Variants in PREPL observed in about 807,000 individuals in gnomAD.
PREPL encodes the protein prolyl endopeptidase-like.
A neutral mutation model predicts 70.6 loss-of-function variants in PREPL; 77 were observed. The observed-to-expected ratio is 1.09, with a 90% CI of 0.91 to 1.32. PREPL has a LOEUF of 1.32. PREPL is among the 40% of genes most tolerant of loss of function. PREPL has a pLI of 0.00. For missense variants in PREPL, 1,002 were observed against 778.2 expected (o/e 1.29, Z -3.42); for synonymous variants, 315 against 264.8 (o/e 1.19, Z -1.84).
chr2:44,342,370 T>G (rs772997416), intron 5 of PREPL, 47 bp downstream of exon 5: 2 of 1,505,904 alleles, frequency 1.3e-6, no homozygotes, highest in Non-Finnish European at 1.8e-6. Flanking sequence ...TTTAAATAAC[T>G]GGAGGAAGGT....
At chr2:44,337,396 T>TATA (rs1558500182) in intron 7 of PREPL, among the ~76,000 whole-genome samples, 1 of 152,232 alleles carries the variant, frequency 6.6e-6, no homozygotes, top group East Asian at 1.9e-4. Flanking sequence ...AGTTTAATCT[T>TATA]GTGATTAACT....
intron 7 of PREPL, among the ~76,000 whole-genome samples, chr2:44,335,783 A>G (rs923864458): frequency 1.3e-5 from 2 of 152,082 alleles, no homozygotes; most frequent in Admixed American, 1.3e-4. Context: ...ATATTTACAA[A>G]CTATGCATCT....
intron 10 of PREPL, among the ~76,000 whole-genome samples, chr2:44,325,592 A>C (rs896175482): frequency 2.0e-5 from 3 of 152,036 alleles, no homozygotes; most frequent in Admixed American, 2.0e-4. Context: ...CCTTCTCATC[A>C]TTTCCTTTTA....
chr2:44,334,037 A>T (rs1242720790), intron 7 of PREPL, among the ~76,000 whole-genome samples: 1 of 152,226 alleles, frequency 6.6e-6, no homozygotes, highest in Non-Finnish European at 1.5e-5. Context: ...TGTTTTTCTA[A>T]AACTAATGGG....
intron 2 of PREPL, 82 bp from the exon 3 acceptor site, chr2:44,344,668 T>G (rs1225865937): frequency 9.6e-7 from 1 of 1,039,092 alleles, no homozygotes; most frequent in East Asian, 2.7e-5. Context: ...GAAGATGAAA[T>G]GAAGACTCTT....
Position 44,321,125 on chromosome 2 carries a change from A to G in PREPL, c.*231T>C. The stretch of plus-strand genomic sequence containing the variant: ...CTTCCCTCTACTCCACATCCTTCTA[A>G]GGAGCATGATTTGAAAATTACTTTC... On this transcript the variant is annotated 3_prime_UTR_variant, in exon 14 of 14. Coordinates refer to ENST00000409411, the MANE Select transcript of PREPL (RefSeq NM_001171613.2). 1 of 504,510 alleles carries G rather than the reference A, an allele frequency of 2.0e-6. No individual in the cohort carries two copies. Among genetic ancestry groups the G allele is most frequent in the Non-Finnish European group, 3.6e-6 (1 of 278,462 alleles). The allele number at this position is 504,510 out of a possible 1,614,324, so 31.3% of individuals were successfully genotyped here.
chr2:44,346,396 A>G lies in PREPL; in HGVS notation c.-48-6T>C, dbSNP rs1675826140. On this transcript the variant is annotated splice_polypyrimidine_tract_variant and splice_region_variant and intron_variant, in intron 1 of 13. Transcript: ENST00000409411. Reference sequence around the variant, plus strand: ...TGTTTAACAGGCTGAAGATCCTGGAAAAAGTTTTGTTATGATCAAAATATT... The same window carrying G: ...TGTTTAACAGGCTGAAGATCCTGGAGAAAGTTTTGTTATGATCAAAATATT... 1 of 1,609,636 alleles carries G rather than the reference A, an allele frequency of 6.2e-7. No individual in the cohort carries two copies. The highest frequency in any genetic ancestry group is 1.7e-5 in the Admixed American group (1 of 58,900).
At chr2:44,340,107 A>G (rs1169016354) in intron 5 of PREPL, among the ~76,000 whole-genome samples, 1 of 152,024 alleles carries the variant, frequency 6.6e-6, no homozygotes, top group Non-Finnish European at 1.5e-5. Flanking sequence ...CATGAGTTGA[A>G]AGTCTTTGTG....
At chr2:44,328,289 T>G (rs933158858) in intron 9 of PREPL, among the ~76,000 whole-genome samples, 1 of 51,810 alleles carries the variant, frequency 1.9e-5, no homozygotes, top group African/African-American at 7.1e-5. Flanking sequence ...AAAAAAAAAT[T>G]CAGACAGTGT....
Position 44,338,369 on chromosome 2 carries a change from A to C in PREPL, c.870T>G (p.Asp290Glu). 1 of 1,611,886 alleles carries C rather than the reference A, an allele frequency of 6.2e-7. No homozygotes were observed. Among genetic ancestry groups the C allele is most frequent in the Non-Finnish European group, 8.5e-7 (1 of 1,179,526 alleles). Residue 290 changes from aspartate (D) to glutamate (E), a missense_variant, in exon 7 of 14, where the codon GAT (aspartate) becomes GAG (glutamate). Coordinates refer to ENST00000409411, the MANE Select transcript of PREPL (RefSeq NM_001171613.2). ...AACATACCTTTAGAGACCGAACTGAATCATCAGCCAGACCAATCACATTAA... is the reference window on the plus strand; with the variant it reads ...AACATACCTTTAGAGACCGAACTGACTCATCAGCCAGACCAATCACATTAA... ...LYVNVIGLAD[D>E]SVRSLKLPPW...
intron 4 of PREPL, 47 bp from the exon 5 acceptor site, chr2:44,342,599 T>TC: frequency 8.6e-7 from 1 of 1,162,314 alleles, no homozygotes; most frequent in South Asian, 1.9e-5. Flanking sequence ...CTACACTCCA[T>TC]TAAAAAAAAA....
At chr2:44,359,733 T>A in intron 1 of PREPL, 1 of 1,539,664 alleles carries the variant, frequency 6.5e-7, no homozygotes. Flanking sequence ...AAGTCCCTGG[T>A]TTATGCTCCT....
At chr2:44,333,627 A>T (rs1299951419) in intron 7 of PREPL, among the ~76,000 whole-genome samples, 4 of 13,048 alleles carry the variant, frequency 3.1e-4, no homozygotes, top group Non-Finnish European at 9.8e-4. Flanking sequence ...TCTTATTAAT[A>T]AAAAAAAAAA....
chr2:44,361,346 GAAGGA>G (rs964397037), intron 1 of PREPL, 29 bp downstream of exon 1: 23 of 152,432 alleles, frequency 1.5e-4, no homozygotes, highest in African/African-American at 5.3e-4. Flanking sequence ...AGAAAGGGGA[GAAGGA>G]AAGAGACCAG....
Position 44,322,711 on chromosome 2 carries a change from G to A in PREPL, c.1753+20C>T. On this transcript the variant is annotated intron_variant, in intron 12 of 13. Transcript: ENST00000409411. ...AGTAGTCTGTTTGGCCATGTTCCCT[G>A]CTTCTAGGGGGTCTCCTACCTTCAC... is the stretch of plus-strand genomic sequence containing the variant. 1.9e-6 allele frequency: 3 copies of A among 1,609,030 alleles called. No individual in the cohort carries two copies. The highest frequency in any genetic ancestry group is 2.5e-6 in the Non-Finnish European group (3 of 1,177,966).
intron 7 of PREPL, among the ~76,000 whole-genome samples, chr2:44,336,483 A>G (rs1278397780): frequency 1.3e-5 from 2 of 152,122 alleles, no homozygotes; most frequent in Non-Finnish European, 2.9e-5. Context: ...GGAGCTAAAC[A>G]TTGTGTCCAC....
upstream of PREPL, chr2:44,361,575 C>G (rs1011866194): frequency 4.4e-5 from 7 of 159,034 alleles, no homozygotes; most frequent in South Asian, 1.8e-4. Context: ...TAACCTCAAT[C>G]TAGCACGAGC....
rs900272392 is a variant in PREPL, at chr2:44,329,058, G to C, written c.1141C>G (p.Gln381Glu). Residue 381 changes from glutamine to glutamate, a missense_variant, in exon 9 of 14, where the codon CAG (glutamine) becomes GAG (glutamate). Coordinates refer to ENST00000409411, the MANE Select transcript of PREPL (RefSeq NM_001171613.2). ...ACATGTACCAAGAGAGGTTTCTTCTGCAAGTCCTCAGAGTCAGTTTTGTGG... is the reference window on the plus strand; with the variant it reads ...ACATGTACCAAGAGAGGTTTCTTCTCCAAGTCCTCAGAGTCAGTTTTGTGG... Reference protein sequence around the residue: ...VFHKTDSEDLQKKPLLVHVYG... With the variant: ...VFHKTDSEDLEKKPLLVHVYG... 7 of 1,612,058 alleles carry C rather than the reference G, an allele frequency of 4.3e-6. No individual in the cohort carries two copies. The highest frequency in any genetic ancestry group is 5.9e-6 in the Non-Finnish European group (7 of 1,178,364).
chr2:44,353,297 T>C (rs1676648022), intron 1 of PREPL, among the ~76,000 whole-genome samples: 1 of 151,944 alleles, frequency 6.6e-6, no homozygotes, highest in African/African-American at 2.4e-5. Flanking sequence ...TTAAGACTTA[T>C]TACAGGCCAG....
Sources: allele counts gnomAD v4.1 joint callset (sites outside exome capture counted in the v4.1 genomes callset), GRCh38; gene constraint gnomAD v4.1.1; transcripts MANE v1.5; gene names NCBI Gene and HGNC (gene_info 2026-07-23, HGNC 2026-07-21).